The following GAD1 variants were observed in gnomAD, a reference collection of about 807,000 sequenced individuals.
GAD1 encodes glutamate decarboxylase 1.
A neutral mutation model predicts 75.2 loss-of-function variants in GAD1; 35 were observed. The ratio of observed to expected loss-of-function variants is 0.47; its 90% CI spans 0.36 to 0.62. The LOEUF is 0.62. Among genes scored for constraint, GAD1 ranks in the 20% least tolerant of loss-of-function variants. The pLI is 0.00. For synonymous variants in GAD1, 257 were observed against 271.9 expected (o/e 0.95, Z 0.54); for missense variants, 490 against 758.5 (o/e 0.65, Z 4.16).
At position 170,822,090 on chromosome 2, in the gene GAD1, A is replaced by ACGATACCTGGTG. The variant is rs1378041404; in HGVS notation, c.89_100dup (p.Asp30_Cys33dup). The ACGATACCTGGTG allele has an allele frequency of 6.2e-7, 1 of 1,609,776 alleles. No individual in the cohort carries two copies. Among genetic ancestry groups the ACGATACCTGGTG allele is most frequent in the East Asian group, 2.2e-5 (1 of 44,756 alleles). On this transcript the variant is annotated inframe_insertion, in exon 3 of 17. Coordinates refer to ENST00000358196, the MANE Select transcript of GAD1 (RefSeq NM_000817.3). The stretch of plus-strand genomic sequence containing the variant: ...CTCTCCCTCTCTCTCGTCCTAGCGT[A>ACGATACCTGGTG]CGATACCTGGTGCGGCGTGGCCCAT...
Position 170,842,438 on chromosome 2 carries a change from C to T in GAD1, c.639-1607C>T. ...AAACATTTTTGTCATGTCAACATTT[C>T]CAAAAACCAGTGGAACCATTAATAA... On this transcript the variant is annotated intron_variant, in intron 6 of 16. Coordinates refer to ENST00000358196, the MANE Select transcript of GAD1 (RefSeq NM_000817.3). 13 of 896,460 alleles carry T rather than the reference C, an allele frequency of 1.5e-5. 1 individual carries two copies. The South Asian group carries it at 1.7e-4, about 12-fold the overall frequency. The allele number at this position is 896,460 out of a possible 1,614,324, so 55.5% of individuals were successfully genotyped here.
intron 3 of GAD1, among the ~76,000 whole-genome samples, chr2:170,827,565 G>T (rs76512582): frequency 0.031 from 4,776 of 152,258 alleles, 252 homozygotes; most frequent in African/African-American, 0.11. Flanking sequence ...GTTTGCTGCC[G>T]GAGTTTGTCC....
At chr2:170,833,060 A>G (rs1041172686) in intron 5 of GAD1, among the ~76,000 whole-genome samples, 1 of 152,230 alleles carries the variant, frequency 6.6e-6, no homozygotes. Context: ...CCACAGGGGA[A>G]GCCCCAAGGC....
At chr2:170,845,476 A>G in intron 7 of GAD1, 30 bp from the exon 8 acceptor site, 1 of 1,586,156 alleles carries the variant, frequency 6.3e-7, no homozygotes, top group South Asian at 1.1e-5. Context: ...AAGAGCCCCA[A>G]CACCTCCCAA....
Position 170,818,564 on chromosome 2 carries a change from C to T in GAD1, c.-28C>T. 1 of 1,606,574 alleles carries T rather than the reference C, an allele frequency of 6.2e-7. No homozygotes were observed. The highest frequency in any genetic ancestry group is 1.7e-5 in the Admixed American group (1 of 60,002). On this transcript the variant is annotated 5_prime_UTR_variant, in exon 2 of 17. Coordinates refer to ENST00000358196, the MANE Select transcript of GAD1 (RefSeq NM_000817.3). The surrounding 1 kb of genome is among the most constrained non-coding windows in gnomAD (Gnocchi z 5.9). Reference sequence around the variant, plus strand: ...CGCCGGACCAGTCGAGGACTCTGGACAGTAGAGGCCCCGGGACGACCGAGC... The same window carrying T: ...CGCCGGACCAGTCGAGGACTCTGGATAGTAGAGGCCCCGGGACGACCGAGC...
intron 5 of GAD1, among the ~76,000 whole-genome samples, chr2:170,831,634 G>GTGTGTGTGTGTGTA (rs1165758709): frequency 9.0e-4 from 119 of 132,102 alleles, no homozygotes; most frequent in African/African-American, 3.3e-3. Flanking sequence ...GTGTGTGTGT[G>GTGTGTGTGTGTGTA]TATATACCTA....
chr2:170,819,328 G>A (rs371135983), intron 2 of GAD1, among the ~76,000 whole-genome samples: 2 of 150,690 alleles, frequency 1.3e-5, no homozygotes, highest in African/African-American at 5.0e-5. Flanking sequence ...GGGAGCGGGC[G>A]GCATCCTGAG....
intron 12 of GAD1, among the ~76,000 whole-genome samples, chr2:170,851,537 A>G (rs45576233): frequency 0.024 from 3,592 of 152,268 alleles, 140 homozygotes; most frequent in African/African-American, 0.082. Flanking sequence ...CTTTAACTAA[A>G]GGACCTAAGC....
At chr2:170,834,532 C>G (rs1200761359) in intron 5 of GAD1, among the ~76,000 whole-genome samples, 1 of 152,210 alleles carries the variant, frequency 6.6e-6, no homozygotes, top group East Asian at 1.9e-4. Context: ...TCAGCCACAG[C>G]AGCTACTTAA....
intron 9 of GAD1, 52 bp downstream of exon 9, chr2:170,845,837 C>T (rs1200858195): frequency 6.4e-7 from 1 of 1,569,376 alleles, no homozygotes; most frequent in Non-Finnish European, 8.8e-7. Flanking sequence ...ATGTGTTCAT[C>T]TGTTAAATTT....
rs1702773788 is a variant in GAD1 at position 170,852,805 on chromosome 2, T to C, written c.1263+13T>C. On this transcript the variant is annotated intron_variant, in intron 13 of 16. Transcript: ENST00000358196. ...CGTCAAGGAAAAGGTCTGTACTCCC[T>C]CCAAAGCTACACTGGGGCCCGTACG... 2.5e-6 allele frequency: 4 copies of C among 1,611,628 alleles called. No individual in the cohort carries two copies. Among genetic ancestry groups the C allele is most frequent in the Non-Finnish European group, 3.4e-6 (4 of 1,177,772 alleles).
upstream of GAD1, among the ~76,000 whole-genome samples, chr2:170,815,932 C>T (rs190849740): frequency 3.1e-3 from 465 of 152,328 alleles, 3 homozygotes; most frequent in African/African-American, 0.01. Context: ...TCTTTCAACG[C>T]ATTTTTACGG....
chr2:170,851,013 T>TA (rs939647320), intron 12 of GAD1, among the ~76,000 whole-genome samples: 30 of 144,126 alleles, frequency 2.1e-4, no homozygotes, highest in African/African-American at 4.9e-4. Context: ...GACTCTGTCT[T>TA]AAAAAAAAAA....
chr2:170,831,622 GTGTGTGTGTGTGTA>G (rs1363930604), intron 5 of GAD1, among the ~76,000 whole-genome samples: 4 of 143,936 alleles, frequency 2.8e-5, no homozygotes, highest in Admixed American at 7.0e-5. Flanking sequence ...GTGTGTGTGT[GTGTGTGTGTGTGTA>G]TATACCTATT....
At position 170,845,655 on chromosome 2, in the gene GAD1, G is replaced by GT. The variant is rs201601105; in HGVS notation, c.867+40dup. The GT allele has an allele frequency of 9.7e-3, 15,722 of 1,612,916 alleles. 102 individuals are homozygous for GT. Among genetic ancestry groups the GT allele is most frequent in the Middle Eastern group, 0.017 (100 of 6,060 alleles). ...GGGATGCTTTCTCATGGATAGTGGTGTTTTTTAGGGGACTTTCCAACTTCT... is the reference window on the plus strand; with the variant it reads ...GGGATGCTTTCTCATGGATAGTGGTGTTTTTTTAGGGGACTTTCCAACTTCT... On this transcript the variant is annotated intron_variant, in intron 8 of 16. Coordinates refer to ENST00000358196, the MANE Select transcript of GAD1 (RefSeq NM_000817.3).
intron 7 of GAD1, 38 bp downstream of exon 7, chr2:170,844,195 A>G: frequency 8.8e-7 from 1 of 1,141,484 alleles, no homozygotes; most frequent in Admixed American, 1.7e-5. Context: ...AAGGTTTGGG[A>G]TTCTTAAGAA....
intron 6 of GAD1, among the ~76,000 whole-genome samples, chr2:170,839,915 C>T (rs1702469443): frequency 6.6e-6 from 1 of 152,126 alleles, no homozygotes; most frequent in South Asian, 2.1e-4. Flanking sequence ...GTATCTAGCA[C>T]TTTATTTTCA....
chr2:170,836,442 A>G (rs1401295627), intron 5 of GAD1, among the ~76,000 whole-genome samples: 7 of 152,202 alleles, frequency 4.6e-5, no homozygotes, highest in African/African-American at 1.7e-4. Flanking sequence ...GAGGAGAGCT[A>G]AGTTATCTCA....
intron 15 of GAD1, 43 bp downstream of exon 15, chr2:170,857,168 A>C (rs1179002517): frequency 6.8e-7 from 1 of 1,481,418 alleles, no homozygotes; most frequent in Non-Finnish European, 9.4e-7. Flanking sequence ...TTTCCAGAAA[A>C]ACTGCTGAGG....
Sources: allele counts gnomAD v4.1 joint callset (sites outside exome capture counted in the v4.1 genomes callset), GRCh38; gene constraint gnomAD v4.1.1; non-coding constraint Gnocchi (gnomAD v3.1); transcripts MANE v1.5; gene names NCBI Gene and HGNC (gene_info 2026-07-23, HGNC 2026-07-21).